MYH9: variants seen among roughly 807,000 people sequenced by gnomAD.
MYH9 encodes myosin-9.
A neutral mutation model predicts 241.9 loss-of-function variants in MYH9; 29 were observed. That is an observed-to-expected ratio of 0.12 (90% confidence interval 0.09 to 0.16). The LOEUF is 0.16. Among genes scored for constraint, MYH9 ranks in the 10% least tolerant of loss-of-function variants. The pLI is 1.00. For synonymous variants in MYH9, 1,047 were observed against 1,062.6 expected (o/e 0.99, Z 0.29); for missense variants, 1,803 against 2,595.5 (o/e 0.69, Z 6.63).
chr22:36,288,639 C>A lies in MYH9; in HGVS notation c.4770+88G>T, dbSNP rs1055411892. ...GGGAGGCGTGGTCAAGGGGCCCTAA[C>A]ACAATCCAGGTGGAAGGAGAGAACA... On this transcript the variant is annotated intron_variant, in intron 33 of 40. Coordinates refer to ENST00000216181, the MANE Select transcript of MYH9 (RefSeq NM_002473.6). The surrounding 1 kb of genome is among the most constrained non-coding windows in gnomAD (Gnocchi z 4.8). 4.6e-6 allele frequency: 7 copies of A among 1,526,832 alleles called. No individual in the cohort carries two copies. In the East Asian group the frequency reaches 1.6e-4, roughly 34 times the overall value. The allele number at this position is 1,526,832 out of a possible 1,614,324, so 94.6% of individuals were successfully genotyped here.
chr22:36,313,410 C>T (rs1225059489), intron 13 of MYH9, among the ~76,000 whole-genome samples: 1 of 146,068 alleles, frequency 6.8e-6, no homozygotes, highest in African/African-American at 2.5e-5. Context: ...CAAGATCAGG[C>T]CACTGCACTC....
rs530984334 is a variant in MYH9 at position 36,361,389 on chromosome 22, G to T, written c.-19-12134C>A. On this transcript the variant is annotated intron_variant, in intron 1 of 40. Coordinates refer to ENST00000216181, the MANE Select transcript of MYH9 (RefSeq NM_002473.6). Reference sequence around the variant, plus strand: ...GGCTCAGGTGACTGCTGAAAGTCCAGGAAACAATGAAAGATGATGGCATTT... The same window carrying T: ...GGCTCAGGTGACTGCTGAAAGTCCATGAAACAATGAAAGATGATGGCATTT... 3.9e-5 allele frequency among the ~76,000 whole-genome samples: 6 copies of T among 152,300 alleles called. No homozygotes were observed. The South Asian group carries it at 1.2e-3, about 32-fold the overall frequency.
At chr22:36,374,838 C>A (rs2018142001) in intron 1 of MYH9, among the ~76,000 whole-genome samples, 2 of 152,210 alleles carry the variant, frequency 1.3e-5, no homozygotes, top group African/African-American at 4.8e-5. Context: ...AGGGCCTTCA[C>A]CAACCTGAAT....
chr22:36,296,427 G>T (rs534530502), intron 25 of MYH9, among the ~76,000 whole-genome samples: 5 of 152,074 alleles, frequency 3.3e-5, no homozygotes, highest in Admixed American at 6.5e-5. Context: ...TAGGGATGGG[G>T]GTTTCACCAT....
chr22:36,318,119 C>G (rs139647821), intron 11 of MYH9, 88 bp downstream of exon 11: 1 of 1,162,128 alleles, frequency 8.6e-7, no homozygotes, highest in Admixed American at 1.7e-5. Flanking sequence ...CACGGACACC[C>G]CAGGATGGCC....
intron 1 of MYH9, among the ~76,000 whole-genome samples, chr22:36,366,024 C>T (rs1226691200): frequency 6.6e-6 from 1 of 151,866 alleles, no homozygotes; most frequent in Admixed American, 6.6e-5. Flanking sequence ...CCCGTTTCTA[C>T]TAAAAATACA....
At chr22:36,319,495 C>T in intron 10 of MYH9, 45 bp downstream of exon 10, 1 of 1,584,632 alleles carries the variant, frequency 6.3e-7, no homozygotes, top group Non-Finnish European at 8.7e-7. Context: ...AATCCATGGC[C>T]AAGCACCTGC....
chr22:36,348,681 G>A (rs1256370546), intron 2 of MYH9, among the ~76,000 whole-genome samples: 2 of 152,108 alleles, frequency 1.3e-5, no homozygotes, highest in African/African-American at 4.8e-5. Flanking sequence ...CAGGCTTCCT[G>A]TTTTGCTTTT....
chr22:36,333,301 C>A (rs1391392637), intron 3 of MYH9, among the ~76,000 whole-genome samples: 1 of 152,198 alleles, frequency 6.6e-6, no homozygotes, highest in Non-Finnish European at 1.5e-5. Flanking sequence ...CTCGGAGGAG[C>A]GGTCGGTAGA....
Position 36,293,255 on chromosome 22 carries a change from GCAGTGCCCAGGC to G in MYH9, c.4095+62_4095+73del. The G allele has an allele frequency of 1.3e-6, 2 of 1,597,486 alleles. No individual in the cohort carries two copies. The highest frequency in any genetic ancestry group is 1.7e-6 in the Non-Finnish European group (2 of 1,169,364). On this transcript the variant is annotated intron_variant, in intron 30 of 40. Coordinates refer to ENST00000216181, the MANE Select transcript of MYH9 (RefSeq NM_002473.6). This position sits in a 1 kb window ranked among gnomAD's most constrained non-coding sequence, Gnocchi z 5.1. ...CCGGCCCAGCGGGCAGGGCTGTCCT[GCAGTGCCCAGGC>G]CAGTGCCCGGCCAGCAGCTCCCCAG...
Position 36,320,453 on chromosome 22 carries a change from G to A in MYH9, c.869-90C>T. The stretch of plus-strand genomic sequence containing the variant: ...GTGACCTCAAAGGTTGGAGAGACTG[G>A]GACAGACCCTGAGCCCTGACGCACC... On this transcript the variant is annotated intron_variant, in intron 8 of 40. Transcript: ENST00000216181. The surrounding 1 kb of genome is among the most constrained non-coding windows in gnomAD (Gnocchi z 4.8). The A allele has an allele frequency of 6.5e-7, 1 of 1,547,182 alleles. No homozygotes were observed. Among genetic ancestry groups the A allele is most frequent in the Non-Finnish European group, 8.8e-7 (1 of 1,132,450 alleles).
chr22:36,314,167 C>A lies in MYH9; in HGVS notation c.1532G>T (p.Cys511Phe), dbSNP rs2017113275. 6.2e-7 allele frequency: 1 copy of A among 1,614,076 alleles called. No homozygotes were observed. Among genetic ancestry groups the A allele is most frequent in the Non-Finnish European group, 8.5e-7 (1 of 1,180,020 alleles). The stretch of plus-strand genomic sequence containing the variant: ...CACTGGCTTCTCAATGAGGTCGATG[C>A]AGGGCTGCAGGTCGAGGCCAAAGTC... Reference protein sequence around the residue: ...FIDFGLDLQPCIDLIEKPAGP... With the variant: ...FIDFGLDLQPFIDLIEKPAGP... Residue 511 changes from cysteine to phenylalanine, a missense_variant, in exon 13 of 41, where the codon TGC (cysteine) becomes TTC (phenylalanine). By Grantham distance (205) the Cys-to-Phe change is radical. Coordinates refer to ENST00000216181, the MANE Select transcript of MYH9 (RefSeq NM_002473.6).
rs557663298 is a variant in MYH9, at chr22:36,320,669, C to T, written c.868+129G>A. On this transcript the variant is annotated intron_variant, in intron 8 of 40. Transcript: ENST00000216181. This position sits in a 1 kb window ranked among gnomAD's most constrained non-coding sequence, Gnocchi z 4.8. The stretch of plus-strand genomic sequence containing the variant: ...TTAGGATGGCGCAGAGAACAGGAGT[C>T]ACTCTCACTTCTCCCCGTTAAACCC... The T allele has an allele frequency of 2.6e-5, 21 of 794,842 alleles. No individual in the cohort carries two copies. The African/African-American group carries it at 3.2e-4, about 12-fold the overall frequency. 49.2% of individuals were successfully genotyped at this position (794,842 alleles called of 1,614,324 possible). A position where few individuals can be genotyped will look rare whatever the true frequency, so the allele number is the denominator to read the frequency against.
chr22:36,354,090 C>T (rs896330416), intron 1 of MYH9, among the ~76,000 whole-genome samples: 8 of 151,848 alleles, frequency 5.3e-5, no homozygotes, highest in African/African-American at 9.7e-5. Context: ...TTAGTAGAGA[C>T]GGGGTTTCAC....
intron 3 of MYH9, among the ~76,000 whole-genome samples, chr22:36,338,586 G>A (rs538168816): frequency 5.3e-5 from 8 of 151,758 alleles, no homozygotes; most frequent in African/African-American, 1.9e-4. Flanking sequence ...TTGGGAGGCC[G>A]AGGCGGGTGG....
chr22:36,293,597 G>A lies in MYH9; in HGVS notation c.3943-116C>T, dbSNP rs559785408. On this transcript the variant is annotated intron_variant, in intron 29 of 40. Transcript: ENST00000216181. This position sits in a 1 kb window ranked among gnomAD's most constrained non-coding sequence, Gnocchi z 5.1. ...TCCTGCTGATTTAGGGGATGGCCAC[G>A]TAAAGACCTGGAGGGAGCTGGGAGG... 8.9e-6 allele frequency: 13 copies of A among 1,468,776 alleles called. 1 individual carries two copies. The highest frequency in any genetic ancestry group is 1.7e-4 in the Middle Eastern group (1 of 5,830). 91.0% of individuals were successfully genotyped at this position (1,468,776 alleles called of 1,614,324 possible).
chr22:36,340,358 G>T (rs982560262), intron 3 of MYH9, among the ~76,000 whole-genome samples: 1 of 151,890 alleles, frequency 6.6e-6, no homozygotes, highest in African/African-American at 2.4e-5. Context: ...CAGGGTAGGG[G>T]GCTCTATTAA....
chr22:36,337,084 C>T (rs1021288694), intron 3 of MYH9, among the ~76,000 whole-genome samples: 2 of 151,458 alleles, frequency 1.3e-5, no homozygotes, highest in African/African-American at 2.5e-5. Context: ...CACTACTGAT[C>T]GATCGGAGAT....
intron 2 of MYH9, among the ~76,000 whole-genome samples, chr22:36,347,891 G>A (rs1343294062): frequency 6.6e-6 from 1 of 151,348 alleles, no homozygotes; most frequent in Non-Finnish European, 1.5e-5. Context: ...ATCCAGTGAT[G>A]CAAGAGGAAC....
Sources: gnomAD v4.1 joint callset for allele counts (sites outside exome capture counted in the v4.1 genomes callset) on GRCh38, gnomAD v4.1.1 for gene constraint, Gnocchi (gnomAD v3.1) non-coding constraint, MANE v1.5 for transcripts, NCBI Gene and HGNC (gene_info 2026-07-23, HGNC 2026-07-21) for gene names.